WNT2: variants seen among roughly 807,000 people sequenced by gnomAD.
WNT2 encodes the protein protein Wnt-2.
In WNT2, 12 loss-of-function variants were observed where a neutral mutation model predicts 36.9. The observed-to-expected ratio is 0.33, with a 90% CI of 0.21 to 0.53. WNT2 has a LOEUF of 0.53. Among genes scored for constraint, WNT2 ranks in the 20% least tolerant of loss-of-function variants. The pLI is 0.95. For missense variants in WNT2, 379 were observed against 473.1 expected, an observed-to-expected ratio of 0.80 and a Z score of 1.84; for synonymous variants, 163 against 174.6, an observed-to-expected ratio of 0.93 and a Z score of 0.52.
At chr7:117,303,244 T>C (rs556017813) in intron 3 of WNT2, among the ~76,000 whole-genome samples, 2 of 152,242 alleles carry the variant, frequency 1.3e-5, no homozygotes, top group Non-Finnish European at 2.9e-5. Context: ...CTGGGGCCTA[T>C]GGAGGGTTAC....
At chr7:117,283,759 T>C (rs1451158575) in intron 4 of WNT2, among the ~76,000 whole-genome samples, 1 of 152,226 alleles carries the variant, frequency 6.6e-6, no homozygotes, top group East Asian at 1.9e-4. Flanking sequence ...GAACAAAGCC[T>C]CTGGCAATAT....
intron 3 of WNT2, among the ~76,000 whole-genome samples, chr7:117,314,464 G>A (rs572381754): frequency 6.6e-6 from 1 of 152,286 alleles, no homozygotes; most frequent in East Asian, 1.9e-4. Flanking sequence ...ACTGACTGGA[G>A]CCCAGGAAGT....
intron 3 of WNT2, among the ~76,000 whole-genome samples, chr7:117,312,512 G>A (rs1359344744): frequency 6.6e-6 from 1 of 152,194 alleles, no homozygotes; most frequent in Admixed American, 6.5e-5. Context: ...ATGTAATTTG[G>A]AAGTTTTTAT....
intron 3 of WNT2, among the ~76,000 whole-genome samples, chr7:117,310,057 G>A (rs1246878489): frequency 6.6e-6 from 1 of 152,082 alleles, no homozygotes; most frequent in Admixed American, 6.5e-5. Flanking sequence ...TGGGATTACA[G>A]TTGCATGCCA....
In WNT2 at chr7:117,277,559, C is replaced by T. The variant is rs1057378948; in HGVS notation, c.*596G>A. The T allele has an allele frequency of 3.2e-5, 5 of 154,074 alleles. No individual in the cohort carries two copies. The highest frequency in any genetic ancestry group is 5.8e-5 in the Non-Finnish European group (4 of 69,352). 9.5% of individuals were successfully genotyped at this position (154,074 alleles called of 1,614,324 possible). A position where few individuals can be genotyped will look rare whatever the true frequency, so the allele number is the denominator to read the frequency against. On this transcript the variant is annotated 3_prime_UTR_variant, in exon 5 of 5. Coordinates refer to ENST00000265441, the MANE Select transcript of WNT2 (RefSeq NM_003391.3). ...ATGGCAATAAATGCCTTGAAAAATACACATTTTAAACTTAAAAGGGTATTG... is the reference window on the plus strand; with the variant it reads ...ATGGCAATAAATGCCTTGAAAAATATACATTTTAAACTTAAAAGGGTATTG...
chr7:117,317,475 C>A (rs1795243783), intron 2 of WNT2, among the ~76,000 whole-genome samples: 1 of 151,006 alleles, frequency 6.6e-6, no homozygotes, highest in Non-Finnish European at 1.5e-5. Flanking sequence ...ACTGGTTTTT[C>A]ATTTTACCTC....
chr7:117,307,479 G>A (rs953739674), intron 3 of WNT2, among the ~76,000 whole-genome samples: 1 of 152,168 alleles, frequency 6.6e-6, no homozygotes, highest in African/African-American at 2.4e-5. Flanking sequence ...CTCTGCTGGT[G>A]TTTTTCATAT....
At chr7:117,304,770 G>A (rs886553073) in intron 3 of WNT2, among the ~76,000 whole-genome samples, 4 of 152,052 alleles carry the variant, frequency 2.6e-5, no homozygotes, top group South Asian at 2.1e-4. Context: ...CTAATTAGCC[G>A]GTTGCCAAAT....
chr7:117,316,078 G>A (rs1273703135), intron 2 of WNT2, among the ~76,000 whole-genome samples: 1 of 152,176 alleles, frequency 6.6e-6, no homozygotes, highest in Non-Finnish European at 1.5e-5. Flanking sequence ...CTAATCACTG[G>A]TATTGGGTAA....
intron 4 of WNT2, among the ~76,000 whole-genome samples, chr7:117,294,504 A>T (rs1428784961): frequency 6.6e-6 from 1 of 152,130 alleles, no homozygotes; most frequent in South Asian, 2.1e-4. Context: ...CTCAGCCAAA[A>T]AGGACATTAA....
Position 117,296,923 on chromosome 7 carries a change from G to A in WNT2, c.853+689C>T, listed in dbSNP as rs142554784. Among the ~76,000 whole-genome samples the A allele has an allele frequency of 4.7e-4, 72 of 152,306 alleles. No individual in the cohort carries two copies. The Middle Eastern group carries it at 0.024, about 50-fold the overall frequency. On this transcript the variant is annotated intron_variant, in intron 4 of 4. Coordinates refer to ENST00000265441, the MANE Select transcript of WNT2 (RefSeq NM_003391.3). ...TGGCAATTTCTAAGCATATTGAAAA[G>A]AGCAGGGAAGGTGAAGTAGGGCAGA...
At chr7:117,309,027 T>TAA (rs1023269336) in intron 3 of WNT2, among the ~76,000 whole-genome samples, 4 of 127,472 alleles carry the variant, frequency 3.1e-5, no homozygotes, top group Non-Finnish European at 3.4e-5. Flanking sequence ...CTATGAAACA[T>TAA]AAAAAAAAAA....
chr7:117,282,203 A>G (rs1458295755), intron 4 of WNT2, among the ~76,000 whole-genome samples: 1 of 152,214 alleles, frequency 6.6e-6, no homozygotes, highest in African/African-American at 2.4e-5. Context: ...TGCCTCTGGA[A>G]TACTGGGCCC....
chr7:117,310,612 C>T (rs1483245169), intron 3 of WNT2, among the ~76,000 whole-genome samples: 3 of 147,632 alleles, frequency 2.0e-5, no homozygotes, highest in African/African-American at 7.5e-5. Flanking sequence ...AAAAAGGGCT[C>T]TCCAGATCTG....
intron 2 of WNT2, among the ~76,000 whole-genome samples, chr7:117,316,208 G>C (rs533225942): frequency 6.6e-6 from 1 of 152,274 alleles, no homozygotes; most frequent in Non-Finnish European, 1.5e-5. Context: ...TTAGAGCACA[G>C]GCTACTTTCA....
chr7:117,302,848 T>G (rs746397628), intron 3 of WNT2, among the ~76,000 whole-genome samples: 1 of 152,178 alleles, frequency 6.6e-6, no homozygotes, highest in Non-Finnish European at 1.5e-5. Context: ...CATATGTGTG[T>G]ATAGCTGGCG....
intron 3 of WNT2, among the ~76,000 whole-genome samples, chr7:117,312,262 C>T (rs182748157): frequency 6.6e-6 from 1 of 152,240 alleles, no homozygotes; most frequent in African/African-American, 2.4e-5. Flanking sequence ...CTCCCTGGCT[C>T]ACATGATCCT....
intron 4 of WNT2, among the ~76,000 whole-genome samples, chr7:117,295,289 C>A (rs532300888): frequency 6.6e-6 from 1 of 152,308 alleles, no homozygotes; most frequent in South Asian, 2.1e-4. Context: ...ACATACTCAC[C>A]TTATAGACTT....
intron 4 of WNT2, among the ~76,000 whole-genome samples, chr7:117,296,634 T>G (rs1333429778): frequency 1.3e-5 from 2 of 152,170 alleles, no homozygotes; most frequent in Admixed American, 6.5e-5. Flanking sequence ...TATTTTGCAC[T>G]AGAATCTTTA....
Sources: allele counts gnomAD v4.1 joint callset (sites outside exome capture counted in the v4.1 genomes callset), GRCh38; gene constraint gnomAD v4.1.1; transcripts MANE v1.5; gene names NCBI Gene and HGNC (gene_info 2026-07-23, HGNC 2026-07-21).